ZZZ3: variants seen among roughly 807,000 people sequenced by gnomAD.
ZZZ3 encodes zinc finger ZZ-type containing 3, also known as ZZ-type zinc finger-containing protein 3.
In ZZZ3, 22 loss-of-function variants were observed where a neutral mutation model predicts 95.2. The ratio of observed to expected loss-of-function variants is 0.23; its 90% CI spans 0.17 to 0.33. The LOEUF (loss-of-function observed/expected upper bound fraction) is 0.33, where lower values mean the gene tolerates loss of function less well. ZZZ3 is among the 10% of genes least tolerant of loss of function. The pLI is 1.00. For synonymous variants in ZZZ3, 335 were observed against 358.9 expected, an observed-to-expected ratio of 0.93 and a Z score of 0.75; for missense variants, 885 against 1,066.5, an observed-to-expected ratio of 0.83 and a Z score of 2.37.
intron 11 of ZZZ3, among the ~76,000 whole-genome samples, chr1:77,578,116 G>T (rs1413511410): frequency 1.3e-5 from 2 of 151,928 alleles, no homozygotes; most frequent in Non-Finnish European, 2.9e-5. Flanking sequence ...CAAATAAAAG[G>T]TTATAGAACA....
intron 5 of ZZZ3, among the ~76,000 whole-genome samples, chr1:77,587,343 C>A (rs547113912): frequency 6.8e-6 from 1 of 146,702 alleles, no homozygotes; most frequent in African/African-American, 2.5e-5. Context: ...CGGCTCCCTG[C>A]AAGCTCTGCC....
chr1:77,632,047 A>G lies in ZZZ3; in HGVS notation c.1308T>C (p.Asn436=), dbSNP rs1347082733. The change falls in exon 5 of 15, where the codon AAT becomes AAC. Residue 436 remains asparagine, a synonymous_variant. Coordinates refer to ENST00000370801, the MANE Select transcript of ZZZ3 (RefSeq NM_015534.6). ...GAGAGTCACAACATATCCCTTTTTC[A>G]TTTTGAGAAATTTCACCAGGATTTG... is the stretch of plus-strand genomic sequence containing the variant. The part of the protein sequence containing the change: ...SPTNPGEISQ[N]EKGICCDSQN... The G allele has an allele frequency of 6.2e-7, 1 of 1,613,278 alleles. No individual in the cohort carries two copies. Among genetic ancestry groups the G allele is most frequent in the South Asian group, 1.1e-5 (1 of 90,930 alleles).
intron 3 of ZZZ3, among the ~76,000 whole-genome samples, chr1:77,640,616 A>G (rs910899095): frequency 1.8e-4 from 27 of 151,902 alleles, no homozygotes; most frequent in East Asian, 1.2e-3. Flanking sequence ...AAAAAAAAAA[A>G]AGAGAGAATG....
At chr1:77,619,470 T>C (rs971907637) in intron 5 of ZZZ3, among the ~76,000 whole-genome samples, 7 of 152,162 alleles carry the variant, frequency 4.6e-5, no homozygotes, top group Non-Finnish European at 1.0e-4. Context: ...ACATTTTCTT[T>C]CAAGTCCTTC....
At chr1:77,591,861 C>T (rs2100619704) in intron 5 of ZZZ3, among the ~76,000 whole-genome samples, 1 of 152,158 alleles carries the variant, frequency 6.6e-6, no homozygotes, top group Middle Eastern at 3.4e-3. Flanking sequence ...AGATACTAAG[C>T]CCAAAATCTA....
chr1:77,604,696 A>G (rs1382670911), intron 5 of ZZZ3, among the ~76,000 whole-genome samples: 3 of 152,216 alleles, frequency 2.0e-5, no homozygotes, highest in African/African-American at 7.2e-5. Context: ...AAATATTTCA[A>G]TAAGCATTTG....
chr1:77,589,550 G>A (rs1238362301), intron 5 of ZZZ3, among the ~76,000 whole-genome samples: 4 of 151,716 alleles, frequency 2.6e-5, no homozygotes, highest in Admixed American at 6.6e-5. Context: ...TGATCCTCTC[G>A]CCTCAGCCTC....
chr1:77,612,014 A>T (rs965401762), intron 5 of ZZZ3, among the ~76,000 whole-genome samples: 6 of 152,100 alleles, frequency 3.9e-5, no homozygotes, highest in African/African-American at 1.4e-4. Context: ...CAAAGGAAAC[A>T]AACAACAAAA....
intron 5 of ZZZ3, among the ~76,000 whole-genome samples, chr1:77,630,288 C>T (rs1441098271): frequency 6.6e-6 from 1 of 151,832 alleles, no homozygotes; most frequent in African/African-American, 2.4e-5. Flanking sequence ...AGCCTGGGCA[C>T]CATGGTGAAA....
At chr1:77,607,993 T>A (rs986969203) in intron 5 of ZZZ3, among the ~76,000 whole-genome samples, 2 of 148,478 alleles carry the variant, frequency 1.3e-5, no homozygotes, top group African/African-American at 5.0e-5. Flanking sequence ...TACAAAACAA[T>A]GAAGCATGAC....
At chr1:77,587,265 T>A (rs985298858) in intron 5 of ZZZ3, among the ~76,000 whole-genome samples, 1 of 144,640 alleles carries the variant, frequency 6.9e-6, no homozygotes, top group Non-Finnish European at 1.5e-5. Flanking sequence ...ACCCTTTTTT[T>A]TTTTTTTTTT....
At chr1:77,635,209 G>C (rs1668187736) in intron 4 of ZZZ3, among the ~76,000 whole-genome samples, 1 of 152,168 alleles carries the variant, frequency 6.6e-6, no homozygotes, top group African/African-American at 2.4e-5. Flanking sequence ...AATTAAGTGA[G>C]AAAGTACCCT....
At chr1:77,628,478 G>GAGGCATC (rs1667514412) in intron 5 of ZZZ3, among the ~76,000 whole-genome samples, 1 of 152,194 alleles carries the variant, frequency 6.6e-6, no homozygotes, top group South Asian at 2.1e-4. Flanking sequence ...GGCATCTAGA[G>GAGGCATC]AGGCATCAAG....
intron 7 of ZZZ3, 39 bp from the exon 8 acceptor site, chr1:77,581,930 A>G: frequency 1.2e-6 from 2 of 1,604,738 alleles, no homozygotes; most frequent in Non-Finnish European, 1.7e-6. Flanking sequence ...TTAAAGCAAA[A>G]CATTGCCAGA....
intron 5 of ZZZ3, among the ~76,000 whole-genome samples, chr1:77,599,672 C>G (rs1664548008): frequency 6.6e-6 from 1 of 151,990 alleles, no homozygotes; most frequent in African/African-American, 2.4e-5. Flanking sequence ...AAAAATTAGT[C>G]TGTTTAACAA....
chr1:77,609,283 G>C (rs755898842), intron 5 of ZZZ3, among the ~76,000 whole-genome samples: 113 of 152,086 alleles, frequency 7.4e-4, no homozygotes, highest in Non-Finnish European at 4.3e-4. Flanking sequence ...TCTATAAAAA[G>C]AGACAAAGAA....
chr1:77,572,954 CT>C (rs1278389900), intron 12 of ZZZ3, among the ~76,000 whole-genome samples: 2 of 151,912 alleles, frequency 1.3e-5, no homozygotes, highest in East Asian at 1.9e-4. Flanking sequence ...CCAAATTGTA[CT>C]TTTTTTAAGT....
chr1:77,621,894 T>C (rs1204270036), intron 5 of ZZZ3, among the ~76,000 whole-genome samples: 1 of 152,128 alleles, frequency 6.6e-6, no homozygotes, highest in African/African-American at 2.4e-5. Flanking sequence ...ACTGACATCT[T>C]ACACTTTTTC....
At chr1:77,578,068 T>C (rs1662143854) in intron 11 of ZZZ3, among the ~76,000 whole-genome samples, 1 of 152,192 alleles carries the variant, frequency 6.6e-6, no homozygotes, top group East Asian at 1.9e-4. Flanking sequence ...AGCAACTAGA[T>C]AATTCACTCA....
Sources: allele counts gnomAD v4.1 joint callset (sites outside exome capture counted in the v4.1 genomes callset), GRCh38; gene constraint gnomAD v4.1.1; transcripts MANE v1.5; gene names NCBI Gene and HGNC (gene_info 2026-07-23, HGNC 2026-07-21).